Variants in CEP63 observed in about 807,000 individuals in gnomAD.
CEP63 encodes the protein centrosomal protein 63, also known as centrosomal protein of 63 kDa.
CEP63 carries 84 observed loss-of-function variants against 89.1 expected under a neutral mutation model. The observed-to-expected ratio is 0.94, with a 90% CI of 0.79 to 1.13. The LOEUF is 1.13. Ranked by LOEUF, CEP63 falls within the 50% of genes most tolerant of loss-of-function variation. CEP63 has a pLI of 0.00. For missense variants in CEP63, 838 were observed against 813.3 expected (o/e 1.03, Z -0.37); for synonymous variants, 267 against 272.5 (o/e 0.98, Z 0.20).
chr3:134,762,489 A>AG, the CEP63 span, among the ~76,000 whole-genome samples: 2 of 152,192 alleles, frequency 1.3e-5, no homozygotes, highest in African/African-American at 2.4e-5. Flanking sequence ...ACCGTATTTC[A>AG]GGATAGGTCT....
At chr3:134,486,588 T>G in intron 1 of CEP63, 2 of 922,862 alleles carry the variant, frequency 2.2e-6, no homozygotes, top group Non-Finnish European at 2.5e-6. Context: ...AGTACTCACC[T>G]TCCCCGGCGG....
intron 10 of CEP63, among the ~76,000 whole-genome samples, chr3:134,584,448 T>C (rs906297552): frequency 4.6e-5 from 7 of 152,208 alleles, no homozygotes; most frequent in Non-Finnish European, 8.8e-5. Flanking sequence ...GTGGTTTTTG[T>C]CGTTGGTTCT....
chr3:134,661,651 T>C, the CEP63 span, among the ~76,000 whole-genome samples: 3 of 152,144 alleles, frequency 2.0e-5, no homozygotes, highest in East Asian at 5.8e-4. Flanking sequence ...GCACTCTCCT[T>C]TCTGGGAAGA....
At chr3:134,548,415 A>G (rs951939682) in intron 9 of CEP63, among the ~76,000 whole-genome samples, 1 of 152,330 alleles carries the variant, frequency 6.6e-6, no homozygotes, top group Admixed American at 6.5e-5. Flanking sequence ...ATGCTATACC[A>G]TACCCACCTA....
chr3:134,514,293 A>C (rs974631733), intron 3 of CEP63, among the ~76,000 whole-genome samples: 2 of 152,194 alleles, frequency 1.3e-5, no homozygotes, highest in African/African-American at 4.8e-5. Context: ...AGCACAGGCA[A>C]AGTGATAGAA....
At chr3:134,645,402 G>T in the CEP63 span, among the ~76,000 whole-genome samples, 15 of 152,302 alleles carry the variant, frequency 9.8e-5, no homozygotes, top group African/African-American at 3.6e-4. Context: ...CACTCCACCA[G>T]CACATGCCAT....
chr3:134,515,514 C>T (rs6776208), intron 3 of CEP63, among the ~76,000 whole-genome samples: 151,871 of 152,376 alleles, frequency 1, 75,688 homozygotes, highest in Middle Eastern at 1. Context: ...TATATTCTTA[C>T]CAGAAAAAGT....
At chr3:134,497,814 C>A (rs922132749) in intron 2 of CEP63, among the ~76,000 whole-genome samples, 2 of 152,100 alleles carry the variant, frequency 1.3e-5, no homozygotes, top group African/African-American at 2.4e-5. Flanking sequence ...TTTTCCAGCA[C>A]CATTTATTGA....
intron 1 of CEP63, among the ~76,000 whole-genome samples, chr3:134,494,806 A>T (rs1010158853): frequency 1.3e-5 from 2 of 152,210 alleles, no homozygotes; most frequent in Admixed American, 6.5e-5. Flanking sequence ...AGGAAGCTCT[A>T]TGAGCCTGTC....
chr3:134,761,382 T>C, the CEP63 span, among the ~76,000 whole-genome samples: 1 of 152,190 alleles, frequency 6.6e-6, no homozygotes, highest in Non-Finnish European at 1.5e-5. Flanking sequence ...AGGTCAGGAC[T>C]TGGACTCCCT....
downstream of CEP63, among the ~76,000 whole-genome samples, chr3:134,569,543 A>G (rs1957932234): frequency 6.6e-6 from 1 of 152,210 alleles, no homozygotes; most frequent in South Asian, 2.1e-4. Context: ...GGTCACGCTG[A>G]TGCAAAAGGT....
chr3:134,776,909 C>A, the CEP63 span, among the ~76,000 whole-genome samples: 2 of 152,158 alleles, frequency 1.3e-5, no homozygotes, highest in Non-Finnish European at 2.9e-5. Context: ...GAGAGATGGA[C>A]AAACTGTTAG....
chr3:134,698,864 G>A, the CEP63 span, among the ~76,000 whole-genome samples: 1 of 152,156 alleles, frequency 6.6e-6, no homozygotes, highest in African/African-American at 2.4e-5. Context: ...AGTATTCCAG[G>A]CACTGTATGA....
At chr3:134,640,648 G>T in the CEP63 span, among the ~76,000 whole-genome samples, 1 of 152,124 alleles carries the variant, frequency 6.6e-6, no homozygotes, top group African/African-American at 2.4e-5. Flanking sequence ...CGATTCCCTG[G>T]CCACAGCTTT....
the CEP63 span, among the ~76,000 whole-genome samples, chr3:134,684,568 A>C: frequency 6.6e-6 from 1 of 152,232 alleles, no homozygotes; most frequent in Non-Finnish European, 1.5e-5. Context: ...AATTCAACAA[A>C]GGAATTCACC....
chr3:134,585,493 T>G (rs4334685), intron 10 of CEP63, among the ~76,000 whole-genome samples: 97,990 of 152,000 alleles, frequency 0.64, 32,161 homozygotes, highest in East Asian at 0.81. Context: ...TGTAGTTGTT[T>G]CCATGTAGTT....
the CEP63 span, among the ~76,000 whole-genome samples, chr3:134,742,473 G>T: frequency 1.8e-4 from 27 of 152,240 alleles, no homozygotes; most frequent in African/African-American, 4.8e-4. Flanking sequence ...AACCAAAAGG[G>T]TTATCAAGCA....
At chr3:134,769,456 T>C in the CEP63 span, among the ~76,000 whole-genome samples, 1 of 152,202 alleles carries the variant, frequency 6.6e-6, no homozygotes, top group Non-Finnish European at 1.5e-5. Flanking sequence ...TAATAACAGC[T>C]GCCTAAGACT....
At chr3:134,545,055 G>A (rs538139774) in intron 6 of CEP63, among the ~76,000 whole-genome samples, 16 of 152,132 alleles carry the variant, frequency 1.1e-4, no homozygotes, top group South Asian at 4.1e-4. Flanking sequence ...GTGCAGTGGC[G>A]CAATCTCGGC....
Sources: allele counts gnomAD v4.1 joint callset (sites outside exome capture counted in the v4.1 genomes callset), GRCh38; gene constraint gnomAD v4.1.1; transcripts MANE v1.5; gene names NCBI Gene and HGNC (gene_info 2026-07-23, HGNC 2026-07-21).